DRC4: variants seen among roughly 807,000 people sequenced by gnomAD.
DRC4 encodes the protein GAS-11.
the DRC4 span, chr16:90,029,055 C>T: frequency 2.5e-6 from 3 of 1,223,176 alleles, no homozygotes; most frequent in Non-Finnish European, 3.1e-6. Context: ...ACTGCGTTGT[C>T]CCAGCATGTG....
the DRC4 span, chr16:90,020,181 CAAAG>C: frequency 7.9e-6 from 4 of 506,692 alleles, no homozygotes; most frequent in South Asian, 2.7e-5. Flanking sequence ...ATTTATCTCT[CAAAG>C]AAAGTCCGTT....
At chr16:90,043,402 A>G in the DRC4 span, 1 of 1,482,852 alleles carries the variant, frequency 6.7e-7, no homozygotes, top group Non-Finnish European at 9.1e-7. Flanking sequence ...TCGGGATGAC[A>G]CCCCTTATCA....
the DRC4 span, chr16:90,044,390 C>T: frequency 0.056 from 23,522 of 416,796 alleles, 929 homozygotes; most frequent in Non-Finnish European, 0.077. Flanking sequence ...TACCTGCCAC[C>T]GCCCAGGACC....
the DRC4 span, chr16:90,035,513 G>A: frequency 7.8e-7 from 1 of 1,290,090 alleles, no homozygotes; most frequent in Non-Finnish European, 1.1e-6. Flanking sequence ...GACTTTAGTT[G>A]AGGGAGGTGA....
the DRC4 span, among the ~76,000 whole-genome samples, chr16:90,024,105 C>A: frequency 7.4e-6 from 1 of 135,250 alleles, no homozygotes; most frequent in African/African-American, 2.7e-5. Flanking sequence ...CATGGTGAAA[C>A]CCTGTCTTTA....
the DRC4 span, chr16:90,019,669 C>G: frequency 1.1e-3 from 550 of 521,956 alleles, no homozygotes; most frequent in African/African-American, 0.01. This position sits in a 1 kb window ranked among gnomAD's most constrained non-coding sequence, Gnocchi z 6.1. Flanking sequence ...CGGACACCAC[C>G]GGGACCTGGC....
the DRC4 span, among the ~76,000 whole-genome samples, chr16:90,041,070 C>G: frequency 3.3e-5 from 5 of 152,132 alleles, no homozygotes; most frequent in African/African-American, 1.2e-4. Context: ...GAGGGTCCCA[C>G]TGTTGGGAGG....
the DRC4 span, chr16:90,032,944 C>T: frequency 1.2e-6 from 2 of 1,604,142 alleles, no homozygotes; most frequent in South Asian, 1.1e-5. Context: ...GCGGGGGCAC[C>T]TGGAGGCTGA....
At chr16:90,019,668 C>T in the DRC4 span, 1 of 521,370 alleles carries the variant, frequency 1.9e-6, no homozygotes, top group Non-Finnish European at 3.3e-6. The surrounding 1 kb of genome is among the most constrained non-coding windows in gnomAD (Gnocchi z 6.1). Flanking sequence ...GCGGACACCA[C>T]CGGGACCTGG....
At chr16:90,044,711 C>G in the DRC4 span, 1 of 431,234 alleles carries the variant, frequency 2.3e-6, no homozygotes, top group South Asian at 1.7e-5. Context: ...GCCTCAGACA[C>G]TGCCCTGCCA....
the DRC4 span, chr16:90,042,551 G>A: frequency 5.6e-6 from 9 of 1,609,694 alleles, no homozygotes; most frequent in Admixed American, 6.7e-5. Context: ...GCTGTGCCCT[G>A]CCCTCCCTCA....
At chr16:90,040,941 G>T in the DRC4 span, among the ~76,000 whole-genome samples, 1 of 152,144 alleles carries the variant, frequency 6.6e-6, no homozygotes. Flanking sequence ...CAGGGCCTGA[G>T]GTAGTGAGGC....
the DRC4 span, among the ~76,000 whole-genome samples, chr16:90,021,430 G>C: frequency 7.3e-6 from 1 of 137,784 alleles, no homozygotes; most frequent in African/African-American, 2.6e-5. Context: ...TTTTTTTTTT[G>C]AGACAGGGTC....
chr16:90,027,872 C>T, the DRC4 span: 24 of 667,202 alleles, frequency 3.6e-5, no homozygotes, highest in African/African-American at 1.1e-4. Flanking sequence ...TTCCCATCAG[C>T]GGCAAAGCTT....
the DRC4 span, chr16:90,036,200 G>A: frequency 3.2e-6 from 2 of 617,562 alleles, no homozygotes; most frequent in Non-Finnish European, 5.6e-6. Flanking sequence ...TGTGTGCTGA[G>A]TGTGAGCATC....
the DRC4 span, chr16:90,029,845 CTCCT>C: frequency 1.2e-5 from 2 of 166,964 alleles, no homozygotes; most frequent in South Asian, 1.9e-4. Context: ...CAAGCTCCAC[CTCCT>C]GGGTTCACAC....
the DRC4 span, chr16:90,032,971 C>T: frequency 1.3e-6 from 2 of 1,521,454 alleles, no homozygotes; most frequent in Non-Finnish European, 1.8e-6. Flanking sequence ...GTTGGGACGG[C>T]AAGCCTAGTG....
chr16:90,037,972 G>A, the DRC4 span: 3 of 842,604 alleles, frequency 3.6e-6, no homozygotes, highest in South Asian at 2.9e-5. Flanking sequence ...TGCTAGCCAG[G>A]GACGGGGCTC....
chr16:90,040,605 C>T, the DRC4 span: 12 of 1,169,224 alleles, frequency 1.0e-5, no homozygotes, highest in Non-Finnish European at 1.4e-5. Flanking sequence ...GCACAGAGAC[C>T]CCTCGGTCGG....
Sources: allele counts gnomAD v4.1 joint callset (sites outside exome capture counted in the v4.1 genomes callset), GRCh38; gene constraint gnomAD v4.1.1; non-coding constraint Gnocchi (gnomAD v3.1); transcripts MANE v1.5; gene names NCBI Gene and HGNC (gene_info 2026-07-23, HGNC 2026-07-21).